The following ADAMTSL3 variants were observed in gnomAD, a reference collection of about 807,000 sequenced individuals.
The protein encoded by ADAMTSL3 is ADAMTS like 3, also known as ADAMTS-like protein 3.
ADAMTSL3 carries 128 observed loss-of-function variants against 201.7 expected under a neutral mutation model. That is an observed-to-expected ratio of 0.63 (90% CI 0.55 to 0.73). The LOEUF (loss-of-function observed/expected upper bound fraction) is 0.73, where lower values mean the gene tolerates loss of function less well. Ranked by LOEUF, ADAMTSL3 falls within the 30% of genes least tolerant of loss-of-function variation. The pLI is 0.00. For missense variants in ADAMTSL3, 1,990 were observed against 2,119.6 expected (o/e 0.94, Z 1.20); for synonymous variants, 738 against 748.4 (o/e 0.99, Z 0.23).
At chr15:83,793,182 TG>T (rs2063369534) in intron 4 of ADAMTSL3, among the ~76,000 whole-genome samples, 1 of 152,068 alleles carries the variant, frequency 6.6e-6, no homozygotes, top group Admixed American at 6.5e-5. Context: ...GGGGTTAAGA[TG>T]GTTGAGGAGG....
intron 2 of ADAMTSL3, among the ~76,000 whole-genome samples, chr15:83,676,768 A>G (rs2061411567): frequency 6.6e-6 from 1 of 152,232 alleles, no homozygotes; most frequent in Non-Finnish European, 1.5e-5. Context: ...GCCCTCCTGA[A>G]TGAGATCAAT....
intron 3 of ADAMTSL3, among the ~76,000 whole-genome samples, chr15:83,754,511 G>A (rs2062688117): frequency 1.3e-5 from 2 of 152,164 alleles, no homozygotes; most frequent in Admixed American, 1.3e-4. Flanking sequence ...AAAAATGTTA[G>A]ATGTTGTTTT....
At chr15:83,769,425 T>C (rs1256926788) in intron 3 of ADAMTSL3, among the ~76,000 whole-genome samples, 1 of 152,236 alleles carries the variant, frequency 6.6e-6, no homozygotes, top group Non-Finnish European at 1.5e-5. Flanking sequence ...TTATTTTTTA[T>C]TATGTTATAG....
At chr15:83,684,247 A>C (rs1567070311) in intron 2 of ADAMTSL3, among the ~76,000 whole-genome samples, 1 of 152,204 alleles carries the variant, frequency 6.6e-6, no homozygotes, top group Admixed American at 6.5e-5. Flanking sequence ...CAGTTTGCAA[A>C]ATAAAACTTT....
chr15:83,789,580 C>A (rs1289033680), intron 4 of ADAMTSL3, among the ~76,000 whole-genome samples: 1 of 152,050 alleles, frequency 6.6e-6, no homozygotes, highest in East Asian at 1.9e-4. Context: ...CTGATGATGT[C>A]TTTAGGTGTT....
chr15:83,920,934 TC>T (rs1435222118), intron 16 of ADAMTSL3, among the ~76,000 whole-genome samples: 3 of 152,162 alleles, frequency 2.0e-5, no homozygotes, highest in African/African-American at 7.2e-5. Flanking sequence ...TTTTCAAGTT[TC>T]CCCCCACTTA....
rs1006856906 is a variant in ADAMTSL3 at position 83,914,745 on chromosome 15, C to T, written c.1987+1367C>T. On this transcript the variant is annotated intron_variant, in intron 16 of 29. Coordinates refer to ENST00000286744, the MANE Select transcript of ADAMTSL3 (RefSeq NM_207517.3). ...ACAGCACATTGTCTGGGTTGCCCCC[C>T]ACACTGCCTTGTGTCTGTTCTTGCC... is the stretch of plus-strand genomic sequence containing the variant. Among the ~76,000 whole-genome samples, 77 of 152,374 alleles carry T rather than the reference C, an allele frequency of 5.1e-4. 1 individual carries two copies. Among genetic ancestry groups the T allele is most frequent in the South Asian group, 1.0e-3 (5 of 4,832 alleles).
At chr15:83,891,021 TAA>T (rs2065489551) in intron 11 of ADAMTSL3, 5 of 236,624 alleles carry the variant, frequency 2.1e-5, no homozygotes, top group Admixed American at 6.4e-5. Context: ...ACTAATATAT[TAA>T]GAGAGTAATG....
chr15:83,911,981 T>C (rs537128989), intron 15 of ADAMTSL3, among the ~76,000 whole-genome samples: 1 of 152,368 alleles, frequency 6.6e-6, no homozygotes, highest in Non-Finnish European at 1.5e-5. Flanking sequence ...TTTCATAGTC[T>C]TTGGAAAAGT....
chr15:83,863,519 G>A (rs997561836), intron 8 of ADAMTSL3, among the ~76,000 whole-genome samples: 14 of 152,156 alleles, frequency 9.2e-5, no homozygotes, highest in Non-Finnish European at 2.1e-4. Context: ...TGACTACTGG[G>A]TACATAACGA....
At chr15:83,903,958 A>T (rs374396015) in intron 15 of ADAMTSL3, among the ~76,000 whole-genome samples, 1 of 77,528 alleles carries the variant, frequency 1.3e-5, no homozygotes, top group East Asian at 4.7e-4. Context: ...AAAAGAAAGA[A>T]AGAAAGAAAG....
intron 23 of ADAMTSL3, among the ~76,000 whole-genome samples, chr15:84,014,089 C>T (rs2068047840): frequency 6.6e-6 from 1 of 152,166 alleles, no homozygotes; most frequent in African/African-American, 2.4e-5. Context: ...ATTGCTTATG[C>T]ACAGCAAACA....
At chr15:83,842,269 G>A (rs1425372027) in intron 7 of ADAMTSL3, among the ~76,000 whole-genome samples, 3 of 151,952 alleles carry the variant, frequency 2.0e-5, no homozygotes, top group Admixed American at 6.5e-5. Context: ...AAAGCGCTGC[G>A]ATACCGAAAG....
chr15:83,864,250 C>A (rs2064928077), intron 8 of ADAMTSL3, among the ~76,000 whole-genome samples: 1 of 152,118 alleles, frequency 6.6e-6, no homozygotes. Context: ...GGAATCCTCC[C>A]TAACTCATTT....
chr15:83,714,046 C>G (rs7166410), intron 3 of ADAMTSL3, among the ~76,000 whole-genome samples: 52,443 of 151,992 alleles, frequency 0.35, 10,789 homozygotes, highest in East Asian at 0.57. Flanking sequence ...TGAGGCCAGG[C>G]AGATAAATAT....
chr15:83,991,359 CAGTGGATCTAACTCTCA>C, intron 23 of ADAMTSL3, 145 bp downstream of exon 23: 1 of 1,217,608 alleles, frequency 8.2e-7, no homozygotes, highest in Non-Finnish European at 1.2e-6. Flanking sequence ...AGCACACTGA[CAGTGGATCTAACTCTCA>C]AGGGTGAGGT....
At chr15:83,684,900 A>G (rs2061516562) in intron 2 of ADAMTSL3, among the ~76,000 whole-genome samples, 2 of 152,160 alleles carry the variant, frequency 1.3e-5, no homozygotes, top group South Asian at 4.1e-4. Flanking sequence ...ACCCATCTTG[A>G]GGTTTACTAG....
chr15:83,741,179 T>G (rs1372084106), intron 3 of ADAMTSL3, among the ~76,000 whole-genome samples: 1 of 151,116 alleles, frequency 6.6e-6, no homozygotes, highest in Non-Finnish European at 1.5e-5. Flanking sequence ...ACTCTAAATA[T>G]ATATTAATAG....
intron 3 of ADAMTSL3, among the ~76,000 whole-genome samples, chr15:83,742,066 C>CTATAGAAAAAAATTACTATA (rs1227480462): frequency 6.6e-6 from 1 of 151,618 alleles, no homozygotes; most frequent in Non-Finnish European, 1.5e-5. Context: ...TGGGAAAGTT[C>CTATAGAAAAAAATTACTATA]GAAAAAAATT....
Sources: allele counts gnomAD v4.1 joint callset (sites outside exome capture counted in the v4.1 genomes callset), GRCh38; gene constraint gnomAD v4.1.1; transcripts MANE v1.5; gene names NCBI Gene and HGNC (gene_info 2026-07-23, HGNC 2026-07-21).